Variants in NADSYN1 observed in about 807,000 individuals in gnomAD.
The protein encoded by NADSYN1 is glutamine-dependent NAD(+) synthetase.
NADSYN1 carries 80 observed loss-of-function variants against 99.3 expected under a neutral mutation model. The observed-to-expected ratio is 0.81, with a 90% CI of 0.67 to 0.97. NADSYN1 has a LOEUF of 0.97. Ranked by LOEUF, NADSYN1 falls within the 50% of genes least tolerant of loss-of-function variation. The pLI, the probability that NADSYN1 is intolerant of heterozygous loss-of-function variation, is 0.00. For synonymous variants in NADSYN1, 385 were observed against 372.1 expected (o/e 1.03, Z -0.40); for missense variants, 859 against 948.5 (o/e 0.91, Z 1.24).
intron 3 of NADSYN1, among the ~76,000 whole-genome samples, chr11:71,461,594 A>G (rs1949551110): frequency 1.3e-5 from 2 of 151,920 alleles, no homozygotes; most frequent in Admixed American, 1.3e-4. Context: ...ACACCCAGCT[A>G]ATTTTTGTAT....
chr11:71,485,424 G>T, intron 15 of NADSYN1, 118 bp from the exon 16 acceptor site: 3 of 760,918 alleles, frequency 3.9e-6, no homozygotes, highest in Non-Finnish European at 6.2e-6. Context: ...GATGTTCCCC[G>T]AACGCTAGAG....
chr11:71,487,063 C>T (rs776969677), intron 16 of NADSYN1, among the ~76,000 whole-genome samples: 23 of 152,138 alleles, frequency 1.5e-4, no homozygotes, highest in Non-Finnish European at 3.1e-4. Context: ...ACCTTGGCCT[C>T]CCAAAGAGTG....
Position 71,453,338 on chromosome 11 carries a change from G to C in NADSYN1, c.42G>C (p.Gln14His). ...CCGTGGCCACCTGCGCACTCAACCA[G>C]TGGGCCCTGGACTTCGAGGGCAATT... ...KVTVATCALNQWALDFEGNLQ... is the reference protein window; with the variant it reads ...KVTVATCALNHWALDFEGNLQ... Residue 14 changes from glutamine (Q) to histidine (H), a missense_variant, in exon 1 of 21, where the codon CAG (glutamine) becomes CAC (histidine). Physicochemically the swap from Gln to His is conservative, Grantham distance 24. Transcript: ENST00000319023. The C allele has an allele frequency of 6.2e-7, 1 of 1,613,930 alleles. No individual in the cohort carries two copies. The highest frequency in any genetic ancestry group is 8.5e-7 in the Non-Finnish European group (1 of 1,179,862).
intron 16 of NADSYN1, 124 bp downstream of exon 16, chr11:71,485,772 C>A (rs1949738495): frequency 4.2e-6 from 3 of 706,822 alleles, no homozygotes; most frequent in Non-Finnish European, 4.5e-6. Context: ...GGAATGACAT[C>A]ATTCCTCTAG....
chr11:71,476,751 C>T (rs1005480390), intron 9 of NADSYN1: 114 of 985,660 alleles, frequency 1.2e-4, no homozygotes, highest in Admixed American at 5.5e-4. Flanking sequence ...CATTGGTGGT[C>T]GTGTTGATTG....
chr11:71,470,806 C>T (rs1022371150), intron 5 of NADSYN1, among the ~76,000 whole-genome samples: 9 of 152,214 alleles, frequency 5.9e-5, no homozygotes, highest in African/African-American at 2.2e-4. Context: ...TTCTGTTCTT[C>T]AGGAACCTCG....
At chr11:71,497,161 A>G in intron 18 of NADSYN1, 1 of 335,798 alleles carries the variant, frequency 3.0e-6, no homozygotes, top group Non-Finnish European at 5.7e-6. Flanking sequence ...TACAAGTGTG[A>G]GCCACTATGC....
At chr11:71,477,108 C>T (rs919836614) in intron 9 of NADSYN1, 13 of 1,127,378 alleles carry the variant, frequency 1.2e-5, no homozygotes, top group Non-Finnish European at 1.4e-5. Context: ...CCTTCTGCCT[C>T]CTGCTCAAGC....
At chr11:71,467,357 T>C (rs983607024) in intron 5 of NADSYN1, among the ~76,000 whole-genome samples, 9 of 152,152 alleles carry the variant, frequency 5.9e-5, no homozygotes, top group Non-Finnish European at 1.0e-4. Flanking sequence ...GCTCCGAATT[T>C]CTAGACGTGA....
chr11:71,498,678 C>A, intron 20 of NADSYN1, 150 bp downstream of exon 20: 1 of 838,136 alleles, frequency 1.2e-6, no homozygotes, highest in Non-Finnish European at 1.8e-6. Flanking sequence ...ATGTTTAAAG[C>A]GTTTTTTAAA....
At position 71,478,430 on chromosome 11, in the gene NADSYN1, CCGGAGCTACAGGG is replaced by C; in HGVS notation, c.840_852del (p.Ser280ArgfsTer18). On this transcript the variant is annotated frameshift_variant, in exon 10 of 21. Transcript: ENST00000319023. LOFTEE classifies it high-confidence loss of function. ...CGGCCACGCTGGATCTGGAGGACGT[CCGGAGCTACAGGG>C]CGGAGATTTCATCTCGAAACCTGGC... is the stretch of plus-strand genomic sequence containing the variant. 6.2e-7 allele frequency: 1 copy of C among 1,609,572 alleles called. No individual in the cohort carries two copies. Among genetic ancestry groups the C allele is most frequent in the Non-Finnish European group, 8.5e-7 (1 of 1,178,118 alleles).
In NADSYN1 at chr11:71,484,333, C is replaced by T. The variant is rs116695422; in HGVS notation, c.1341C>T (p.Ile447=). The change falls in exon 15 of 21, where the codon ATC becomes ATT. Residue 447 remains isoleucine (I), a synonymous_variant. Coordinates refer to ENST00000319023, the MANE Select transcript of NADSYN1 (RefSeq NM_018161.5). ...QIGSHHISLN[I]DPAVKAVMGI... is the part of the protein sequence containing the mutation. ...CCAGCCACCACATCAGTCTCAACAT[C>T]GATCCAGCCGTGAAGGCCGTCATGG... The T allele has an allele frequency of 3.8e-3, 6,200 of 1,614,054 alleles. 195 individuals are homozygous for T. The African/African-American group carries it at 0.072, about 19-fold the overall frequency.
chr11:71,455,209 C>A, intron 2 of NADSYN1, 39 bp downstream of exon 2: 1 of 1,541,976 alleles, frequency 6.5e-7, no homozygotes, highest in Non-Finnish European at 9.0e-7. Context: ...CGTCAGCTAG[C>A]GATACCAGCA....
Position 71,464,031 on chromosome 11 carries a change from A to G in NADSYN1, c.318-22A>G, listed in dbSNP as rs375009087. 43 of 1,592,952 alleles carry G rather than the reference A, an allele frequency of 2.7e-5. No homozygotes were observed. The African/African-American group carries it at 4.4e-4, about 16-fold the overall frequency. ...TTCATCTCAGGAGCCCGGTGTGCAC[A>G]GCCCTGTTCCCCTGTCTGCAGGAAG... On this transcript the variant is annotated intron_variant, in intron 4 of 20. Transcript: ENST00000319023.
At chr11:71,493,091 T>C (rs959444674) in intron 18 of NADSYN1, among the ~76,000 whole-genome samples, 4 of 152,114 alleles carry the variant, frequency 2.6e-5, no homozygotes, top group African/African-American at 9.7e-5. Flanking sequence ...GGTTCCACCA[T>C]GTTGGCCAGA....
At chr11:71,464,189 C>T (rs756900749) in intron 5 of NADSYN1, 47 bp downstream of exon 5, 30 of 1,457,584 alleles carry the variant, frequency 2.1e-5, no homozygotes, top group South Asian at 6.0e-5. Flanking sequence ...TAAGCACCTC[C>T]GCTGTGTGTA....
chr11:71,488,606 G>T (rs1949759523), intron 16 of NADSYN1, among the ~76,000 whole-genome samples: 1 of 151,814 alleles, frequency 6.6e-6, no homozygotes, highest in Admixed American at 6.6e-5. Flanking sequence ...GGGGAGGGGA[G>T]GCGCAGGATA....
In NADSYN1 at chr11:71,497,538, T is replaced by G; in HGVS notation, c.1820T>G (p.Val607Gly). 1 of 1,614,112 alleles carries G rather than the reference T, an allele frequency of 6.2e-7. No individual in the cohort carries two copies. The highest frequency in any genetic ancestry group is 1.1e-5 in the South Asian group (1 of 91,068). Residue 607 changes from valine (V) to glycine (G), a missense_variant, in exon 19 of 21, where the codon GTG (valine) becomes GGG (glycine). Transcript: ENST00000319023. ...ELSVYGKLRK[V>G]AKMGPYSMFC... ...TCGGTCTATGGGAAACTCAGGAAGG[T>G]GGCCAAGATGGGGCCCTACAGCATG... is the stretch of plus-strand genomic sequence containing the variant.
intron 6 of NADSYN1, 41 bp downstream of exon 6, chr11:71,472,541 C>A: frequency 6.4e-7 from 1 of 1,573,888 alleles, no homozygotes; most frequent in Non-Finnish European, 8.7e-7. Flanking sequence ...AGTCGGTTGT[C>A]GCTGTTCTCG....
Sources: gnomAD v4.1 joint callset for allele counts (sites outside exome capture counted in the v4.1 genomes callset) on GRCh38, gnomAD v4.1.1 for gene constraint, MANE v1.5 for transcripts, NCBI Gene and HGNC (gene_info 2026-07-23, HGNC 2026-07-21) for gene names.